The following C1QTNF7 variants were observed in gnomAD, a reference collection of about 807,000 sequenced individuals.
C1QTNF7 encodes C1q and TNF related 7.
In C1QTNF7, 15 loss-of-function variants were observed where a neutral mutation model predicts 19.6. That is an observed-to-expected ratio of 0.76 (90% CI 0.51 to 1.18). The LOEUF (loss-of-function observed/expected upper bound fraction) is 1.18, where lower values mean the gene tolerates loss of function less well. Among genes scored for constraint, C1QTNF7 ranks in the 50% most tolerant of loss-of-function variants. The probability of loss-of-function intolerance (pLI) is 0.00; values close to 1 mark genes in which losing one functional copy is unlikely to be tolerated. For missense variants in C1QTNF7, 324 were observed against 359.7 expected, an observed-to-expected ratio of 0.90 and a Z score of 0.80; for synonymous variants, 142 against 137.5, an observed-to-expected ratio of 1.03 and a Z score of -0.23.
At chr4:15,418,803 C>T (rs1264360560) in intron 1 of C1QTNF7, among the ~76,000 whole-genome samples, 1 of 152,152 alleles carries the variant, frequency 6.6e-6, no homozygotes, top group African/African-American at 2.4e-5. Flanking sequence ...TAACAGTAAC[C>T]TTCTCCTGTG....
intron 1 of C1QTNF7, among the ~76,000 whole-genome samples, chr4:15,401,170 A>G (rs1718981688): frequency 6.6e-6 from 1 of 152,182 alleles, no homozygotes; most frequent in Admixed American, 6.5e-5. Context: ...TGGCAAATAA[A>G]TGAGGAGGAA....
At chr4:15,397,517 C>T (rs1008797854) in intron 1 of C1QTNF7, among the ~76,000 whole-genome samples, 7 of 152,170 alleles carry the variant, frequency 4.6e-5, no homozygotes, top group Non-Finnish European at 7.3e-5. Flanking sequence ...CAGGAGTGTG[C>T]CTCTGCACCT....
At chr4:15,413,356 T>C (rs1017326731) in intron 1 of C1QTNF7, among the ~76,000 whole-genome samples, 11 of 152,230 alleles carry the variant, frequency 7.2e-5, no homozygotes, top group African/African-American at 2.7e-4. Context: ...AGGCACTAAA[T>C]AAATGGTTGT....
intron 1 of C1QTNF7, among the ~76,000 whole-genome samples, chr4:15,391,609 C>T (rs754909696): frequency 2.6e-5 from 4 of 152,104 alleles, no homozygotes; most frequent in South Asian, 2.1e-4. Flanking sequence ...TGCCCTAATG[C>T]GAGTCCCAGT....
intron 1 of C1QTNF7, chr4:15,374,838 G>A: frequency 2.4e-6 from 2 of 829,046 alleles, no homozygotes; most frequent in South Asian, 1.1e-4. Context: ...GGCGTCTTTT[G>A]GCTCATGTTG....
At chr4:15,402,518 A>T (rs1719028888) in intron 1 of C1QTNF7, among the ~76,000 whole-genome samples, 1 of 152,242 alleles carries the variant, frequency 6.6e-6, no homozygotes. Context: ...GACAGAAAAG[A>T]ATATAAATGT....
chr4:15,341,132 C>T (rs772393759), intron 1 of C1QTNF7, among the ~76,000 whole-genome samples: 10 of 152,240 alleles, frequency 6.6e-5, no homozygotes, highest in Non-Finnish European at 1.3e-4. Context: ...CACAGCTCCA[C>T]ATTCATTCCT....
intron 1 of C1QTNF7, among the ~76,000 whole-genome samples, chr4:15,360,450 A>G (rs1273736154): frequency 1.3e-5 from 2 of 152,154 alleles, no homozygotes; most frequent in African/African-American, 2.4e-5. Context: ...TGATTCATTA[A>G]CATTGAATTC....
At chr4:15,361,347 G>T (rs1415586223) in intron 1 of C1QTNF7, 2 of 151,962 alleles carry the variant, frequency 1.3e-5, no homozygotes, top group Admixed American at 1.3e-4. Flanking sequence ...TTAAAAAAAA[G>T]AAACAGTTAC....
At chr4:15,411,249 T>C (rs1719393416) in intron 1 of C1QTNF7, among the ~76,000 whole-genome samples, 1 of 152,180 alleles carries the variant, frequency 6.6e-6, no homozygotes, top group Non-Finnish European at 1.5e-5. Flanking sequence ...AAAGAGAACA[T>C]CATTTTCTGA....
chr4:15,412,709 G>A (rs1266635392), intron 1 of C1QTNF7, among the ~76,000 whole-genome samples: 1 of 152,196 alleles, frequency 6.6e-6, no homozygotes, highest in African/African-American at 2.4e-5. Flanking sequence ...GGAGGCTATT[G>A]CGCAGCTCAC....
rs372310456 is a variant in C1QTNF7 at position 15,433,179 on chromosome 4, T to A, written c.-8-2557T>A. ...TAAAAGCCTCATTATGACTATCTTC[T>A]ATGAACCTTTATTTTTTTGGTAGAG... is the stretch of plus-strand genomic sequence containing the variant. On this transcript the variant is annotated intron_variant, in intron 1 of 2. Coordinates refer to ENST00000444304, the MANE Select transcript of C1QTNF7 (RefSeq NM_031911.5). Among the ~76,000 whole-genome samples, 11 of 152,182 alleles carry A rather than the reference T, an allele frequency of 7.2e-5. No individual in the cohort carries two copies. The East Asian group carries it at 2.1e-3, about 29-fold the overall frequency.
At chr4:15,429,683 G>C (rs993456454) in intron 1 of C1QTNF7, among the ~76,000 whole-genome samples, 4 of 152,112 alleles carry the variant, frequency 2.6e-5, no homozygotes, top group African/African-American at 9.7e-5. Flanking sequence ...TGTGAATAAC[G>C]CTGCAGATAT....
chr4:15,376,190 G>A (rs560079814), intron 1 of C1QTNF7, among the ~76,000 whole-genome samples: 11 of 152,374 alleles, frequency 7.2e-5, no homozygotes, highest in Non-Finnish European at 7.3e-5. Flanking sequence ...TGCAGCCCAA[G>A]TGCACTTTTG....
intron 1 of C1QTNF7, among the ~76,000 whole-genome samples, chr4:15,356,378 CT>C (rs200444911): frequency 0.14 from 20,827 of 152,068 alleles, 1,645 homozygotes; most frequent in East Asian, 0.4. Flanking sequence ...TGTTAGTTTG[CT>C]GAGAATGATG....
chr4:15,402,874 A>G (rs1719047376), intron 1 of C1QTNF7, among the ~76,000 whole-genome samples: 2 of 152,216 alleles, frequency 1.3e-5, no homozygotes, highest in African/African-American at 4.8e-5. Context: ...AATTATATCC[A>G]GCAAGGCTTC....
intron 1 of C1QTNF7, among the ~76,000 whole-genome samples, chr4:15,386,461 C>G (rs1718338174): frequency 6.6e-6 from 1 of 151,984 alleles, no homozygotes; most frequent in African/African-American, 2.4e-5. Flanking sequence ...AAATACCTGC[C>G]CTCGTGGAGC....
At position 15,430,727 on chromosome 4, in the gene C1QTNF7, G is replaced by A. The variant is rs1033783453; in HGVS notation, c.-9+2621G>A. Among the ~76,000 whole-genome samples the A allele has an allele frequency of 2.0e-5, 3 of 152,132 alleles. No individual in the cohort carries two copies. In the East Asian group the frequency reaches 5.8e-4, roughly 29 times the overall value. On this transcript the variant is annotated intron_variant, in intron 1 of 2. Transcript: ENST00000444304. Reference sequence around the variant, plus strand: ...ATAATCAAGTTCACTGCAAGGCAGTGGGGGAGTGGGTAAAGAGTGGATTAT... The same window carrying A: ...ATAATCAAGTTCACTGCAAGGCAGTAGGGGAGTGGGTAAAGAGTGGATTAT...
chr4:15,354,086 C>T (rs1360867460), intron 1 of C1QTNF7, among the ~76,000 whole-genome samples: 1 of 152,070 alleles, frequency 6.6e-6, no homozygotes, highest in Non-Finnish European at 1.5e-5. Context: ...GCACTTTGTC[C>T]TCACCCAAAC....
Sources: allele counts gnomAD v4.1 joint callset (sites outside exome capture counted in the v4.1 genomes callset), GRCh38; gene constraint gnomAD v4.1.1; transcripts MANE v1.5; gene names NCBI Gene and HGNC (gene_info 2026-07-23, HGNC 2026-07-21).